MAMSTR: variants seen among roughly 807,000 people sequenced by gnomAD.
MAMSTR encodes the protein MEF2 activating motif and SAP domain containing transcriptional regulator.
MAMSTR carries 41 observed loss-of-function variants against 42.7 expected under a neutral mutation model. The ratio of observed to expected loss-of-function variants is 0.96; its 90% CI spans 0.75 to 1.25. The LOEUF (loss-of-function observed/expected upper bound fraction) is 1.25, where lower values mean the gene tolerates loss of function less well. Ranked by LOEUF, MAMSTR falls within the 50% of genes most tolerant of loss-of-function variation. The probability of loss-of-function intolerance (pLI) is 0.00; values close to 1 mark genes in which losing one functional copy is unlikely to be tolerated. For missense variants in MAMSTR, 567 were observed against 557.6 expected, an observed-to-expected ratio of 1.02 and a Z score of -0.17; for synonymous variants, 265 against 244.1, an observed-to-expected ratio of 1.09 and a Z score of -0.80.
At chr19:48,712,415 TTC>T (rs911807606), downstream of MAMSTR, among the ~76,000 whole-genome samples, 16 of 150,168 alleles carry the variant, frequency 1.1e-4, no homozygotes, top group Non-Finnish European at 1.3e-4. Context: ...TTCTTTCTTT[TTC>T]TCTCTCTCTT....
At chr19:48,718,186 C>T (rs2033117309) in intron 2 of MAMSTR, among the ~76,000 whole-genome samples, 1 of 152,080 alleles carries the variant, frequency 6.6e-6, no homozygotes, top group Admixed American at 6.6e-5. Context: ...AGGGTTTGTC[C>T]CCCAATTTGG....
In MAMSTR at chr19:48,715,949, G is replaced by C. The variant is rs909836790; in HGVS notation, c.98-182C>G. On this transcript the variant is annotated intron_variant, in intron 3 of 9. Transcript: ENST00000318083. Reference sequence around the variant, plus strand: ...GCGGAGGTGTGGGGGGGCTCCGGTTGCTACATTCTCAAGTAAAGCAGGAAT... The same window carrying C: ...GCGGAGGTGTGGGGGGGCTCCGGTTCCTACATTCTCAAGTAAAGCAGGAAT... 3.6e-6 allele frequency: 5 copies of C among 1,397,730 alleles called. No individual in the cohort carries two copies. The African/African-American group carries it at 4.5e-5, about 13-fold the overall frequency. 86.6% of individuals were successfully genotyped at this position (1,397,730 alleles called of 1,614,324 possible). A position where few individuals can be genotyped will look rare whatever the true frequency, so the allele number is the denominator to read the frequency against.
Position 48,715,934 on chromosome 19 carries a change from G to T in MAMSTR, c.98-167C>A, listed in dbSNP as rs79113474. 5,240 of 1,410,706 alleles carry T rather than the reference G, an allele frequency of 3.7e-3. 141 individuals are homozygous for T. In the African/African-American group the frequency reaches 0.062, roughly 17 times the overall value. 87.4% of individuals were successfully genotyped at this position (1,410,706 alleles called of 1,614,324 possible). A position where few individuals can be genotyped will look rare whatever the true frequency, so the allele number is the denominator to read the frequency against. ...GAACTGGATCTGAGGGCGGAGGTGTGGGGGGGCTCCGGTTGCTACATTCTC... is the reference window on the plus strand; with the variant it reads ...GAACTGGATCTGAGGGCGGAGGTGTTGGGGGGCTCCGGTTGCTACATTCTC... On this transcript the variant is annotated intron_variant, in intron 3 of 9. Coordinates refer to ENST00000318083, the MANE Select transcript of MAMSTR (RefSeq NM_001130915.2).
chr19:48,709,596 G>C (rs186225872), downstream of MAMSTR, among the ~76,000 whole-genome samples: 16 of 152,294 alleles, frequency 1.1e-4, no homozygotes, highest in Admixed American at 9.8e-4. Flanking sequence ...AACTTCTGCT[G>C]CTTTGACAAG....
chr19:48,713,529 A>G lies in MAMSTR; in HGVS notation c.986T>C (p.Leu329Pro), dbSNP rs2032817004. The change falls in exon 10 of 10, where the codon CTG (leucine) becomes CCG (proline). Residue 329 changes from leucine (L) to proline (P), a missense_variant. Leu to Pro is a moderately conservative substitution (Grantham distance 98, BLOSUM62 -3). Transcript: ENST00000318083. ...EPDDPLPPIP[L>P]DFPGSFDVLS... ...CACGTCGAAGGAGCCAGGGAAGTCC[A>G]GGGGAATAGGGGGCAGGGGGTCTGC... 1.2e-6 allele frequency: 2 copies of G among 1,611,352 alleles called. No homozygotes were observed. The highest frequency in any genetic ancestry group is 1.7e-6 in the Non-Finnish European group (2 of 1,179,218).
In MAMSTR at chr19:48,713,819, G is replaced by A; in HGVS notation, c.909+41C>T. 3 of 1,614,216 alleles carry A rather than the reference G, an allele frequency of 1.9e-6. No individual in the cohort carries two copies. In the South Asian group the frequency reaches 3.3e-5, roughly 18 times the overall value. ...GAACTCGGGACTGCGACCTGGACCTGACTGGAGAACCCTAGCCGGATTCAA... is the reference window on the plus strand; with the variant it reads ...GAACTCGGGACTGCGACCTGGACCTAACTGGAGAACCCTAGCCGGATTCAA... On this transcript the variant is annotated intron_variant, in intron 8 of 9. Transcript: ENST00000318083.
intron 5 of MAMSTR, 43 bp downstream of exon 5, chr19:48,715,219 C>T: frequency 6.5e-7 from 1 of 1,527,652 alleles, no homozygotes; most frequent in Non-Finnish European, 8.9e-7. Flanking sequence ...GATGCTGGGA[C>T]CTGAATTTCT....
rs1266489403 is a variant in MAMSTR, at chr19:48,714,371, C to A, written c.718G>T (p.Gly240Cys). 7.3e-7 allele frequency: 1 copy of A among 1,365,884 alleles called. No homozygotes were observed. Among genetic ancestry groups the A allele is most frequent in the Non-Finnish European group, 9.4e-7 (1 of 1,066,910 alleles). 84.6% of individuals were successfully genotyped at this position (1,365,884 alleles called of 1,614,324 possible). A position where few individuals can be genotyped will look rare whatever the true frequency, so the allele number is the denominator to read the frequency against. ...PKALAAARRQGSVKPSAASHR... is the reference protein window; with the variant it reads ...PKALAAARRQCSVKPSAASHR... ...GCTCATAGCCCCGCCCTCACCGAGC[C>A]CTGACGCCGGGCGGCTGCCAGGGCC... The change falls in exon 7 of 10, where the codon GGC becomes TGC. Residue 240 changes from glycine (G) to cysteine (C), a missense_variant. Gly to Cys is a radical substitution (Grantham distance 159). Coordinates refer to ENST00000318083, the MANE Select transcript of MAMSTR (RefSeq NM_001130915.2).
chr19:48,717,847 G>A (rs963628231), intron 2 of MAMSTR, among the ~76,000 whole-genome samples: 2 of 152,164 alleles, frequency 1.3e-5, no homozygotes, highest in Non-Finnish European at 2.9e-5. Context: ...TGGGACTAGA[G>A]GTGCACGCCG....
chr19:48,710,596 A>ATT (rs35728097), downstream of MAMSTR, among the ~76,000 whole-genome samples: 10 of 115,338 alleles, frequency 8.7e-5, no homozygotes, highest in Non-Finnish European at 1.2e-4. Flanking sequence ...CCTGAAACCT[A>ATT]TTTTTTTTTT....
In MAMSTR at chr19:48,713,056, A is replaced by G. The variant is rs189626487; in HGVS notation, c.*211T>C. ...CAGCAGCAAAAGAAGCCCCCCAACC[A>G]TACCACGCCGGAGGGGGATCATAAG... On this transcript the variant is annotated 3_prime_UTR_variant, in exon 10 of 10. Transcript: ENST00000318083. The G allele has an allele frequency of 4.3e-3, 2,228 of 512,982 alleles. 19 individuals carry two copies. The highest frequency in any genetic ancestry group is 0.013 in the South Asian group (403 of 31,056). 31.8% of individuals were successfully genotyped at this position (512,982 alleles called of 1,614,324 possible).
At position 48,719,102 on chromosome 19, in the gene MAMSTR, G is replaced by A. The variant is rs924826761; in HGVS notation, c.-21-50C>T. 1.5e-6 allele frequency: 2 copies of A among 1,363,352 alleles called. No homozygotes were observed. Among genetic ancestry groups the A allele is most frequent in the Non-Finnish European group, 1.0e-6 (1 of 980,632 alleles). 84.5% of individuals were successfully genotyped at this position (1,363,352 alleles called of 1,614,324 possible). A position where few individuals can be genotyped will look rare whatever the true frequency, so the allele number is the denominator to read the frequency against. ...GGGCCCCATAGAGGGCTGGCTCAGAGTGGAGGTCAGGAGGCCGCCCCTGAG... is the reference window on the plus strand; with the variant it reads ...GGGCCCCATAGAGGGCTGGCTCAGAATGGAGGTCAGGAGGCCGCCCCTGAG... On this transcript the variant is annotated intron_variant, in intron 1 of 9. Coordinates refer to ENST00000318083, the MANE Select transcript of MAMSTR (RefSeq NM_001130915.2). The surrounding 1 kb of genome is among the most constrained non-coding windows in gnomAD (Gnocchi z 4.4).
chr19:48,712,423 CTCT>C (rs1568465441), downstream of MAMSTR, among the ~76,000 whole-genome samples: 2 of 146,656 alleles, frequency 1.4e-5, no homozygotes, highest in Non-Finnish European at 1.5e-5. Context: ...TTTTCTCTCT[CTCT>C]TTTTTTTTTT....
downstream of MAMSTR, among the ~76,000 whole-genome samples, chr19:48,711,197 T>TG (rs2032718921): frequency 6.6e-6 from 1 of 152,232 alleles, no homozygotes; most frequent in South Asian, 2.1e-4. Flanking sequence ...TTTAAGAGAC[T>TG]GGTAGCTTCT....
At position 48,714,540 on chromosome 19, in the gene MAMSTR, C is replaced by T. The variant is rs749526323; in HGVS notation, c.549G>A (p.Gln183=). Residue 183 remains glutamine (Q), a synonymous_variant, in exon 7 of 10, where the codon CAG becomes CAA. Coordinates refer to ENST00000318083, the MANE Select transcript of MAMSTR (RefSeq NM_001130915.2). The part of the protein sequence containing the change: ...EELTVSELRQ[Q]LRLRGLPVSG... ...ACACTGGGAGGCCCCGCAGGCGCAG[C>T]TGCTGCCGGAGCTCTGAGACCTGGG... 2.7e-6 allele frequency: 4 copies of T among 1,458,164 alleles called. No homozygotes were observed. Among genetic ancestry groups the T allele is most frequent in the Non-Finnish European group, 3.6e-6 (4 of 1,117,854 alleles). The allele number at this position is 1,458,164 out of a possible 1,614,324, so 90.3% of individuals were successfully genotyped here.
intron 3 of MAMSTR, 76 bp downstream of exon 3, chr19:48,716,629 C>G: frequency 7.7e-7 from 1 of 1,300,108 alleles, no homozygotes; most frequent in Non-Finnish European, 9.9e-7. Context: ...TGAGGGGTAT[C>G]TGGCAGCTGT....
In MAMSTR at chr19:48,719,107, G is replaced by T; in HGVS notation, c.-21-55C>A. ...CCATAGAGGGCTGGCTCAGAGTGGA[G>T]GTCAGGAGGCCGCCCCTGAGAGTGA... is the stretch of plus-strand genomic sequence containing the variant. On this transcript the variant is annotated intron_variant, in intron 1 of 9. Coordinates refer to ENST00000318083, the MANE Select transcript of MAMSTR (RefSeq NM_001130915.2). This position sits in a 1 kb window ranked among gnomAD's most constrained non-coding sequence, Gnocchi z 4.4. 7.8e-7 allele frequency: 1 copy of T among 1,285,082 alleles called. No individual in the cohort carries two copies. The highest frequency in any genetic ancestry group is 1.1e-6 in the Non-Finnish European group (1 of 910,168). The allele number at this position is 1,285,082 out of a possible 1,614,324, so 79.6% of individuals were successfully genotyped here.
Position 48,714,878 on chromosome 19 carries a change from T to C in MAMSTR, c.456A>G (p.Pro152=), listed in dbSNP as rs1351045928. ...RMKPSPLTPC[P]PGVPSPSPPP... is the part of the protein sequence containing the mutation. ...GGGGCGAGGGGCTAGGGACTCCTGG[T>C]GGGCAGGGAGTGAGGGGAGAGGGCT... Residue 152 remains proline (P), a synonymous_variant, in exon 6 of 10, where the codon CCA becomes CCG. Transcript: ENST00000318083. The C allele has an allele frequency of 6.2e-7, 1 of 1,609,914 alleles. No individual in the cohort carries two copies. Among genetic ancestry groups the C allele is most frequent in the South Asian group, 1.1e-5 (1 of 90,906 alleles).
At position 48,713,314 on chromosome 19, in the gene MAMSTR, CAGATAAGTCAGCGGAGA is replaced by C; in HGVS notation, c.1184_1200del (p.Phe395Ter). Reference sequence around the variant, plus strand: ...TCCCACAGCCGGCTGCTGCTGGAGTCAGATAAGTCAGCGGAGAAGATGCTGGGGGGTGGGGGACCAGA... The same window carrying C: ...TCCCACAGCCGGCTGCTGCTGGAGTCAGATGCTGGGGGGTGGGGGACCAGA... On this transcript the variant is annotated frameshift_variant, in exon 10 of 10. Coordinates refer to ENST00000318083, the MANE Select transcript of MAMSTR (RefSeq NM_001130915.2). LOFTEE classifies it high-confidence loss of function. 6.2e-7 allele frequency: 1 copy of C among 1,605,784 alleles called. No homozygotes were observed. The highest frequency in any genetic ancestry group is 8.5e-7 in the Non-Finnish European group (1 of 1,177,920).
Sources: allele counts gnomAD v4.1 joint callset (sites outside exome capture counted in the v4.1 genomes callset), GRCh38; gene constraint gnomAD v4.1.1; non-coding constraint Gnocchi (gnomAD v3.1); transcripts MANE v1.5; gene names NCBI Gene and HGNC (gene_info 2026-07-23, HGNC 2026-07-21).